AHNAK: variants seen among roughly 807,000 people sequenced by gnomAD.
AHNAK encodes the protein AHNAK nucleoprotein.
In AHNAK, 23 loss-of-function variants were observed where a neutral mutation model predicts 37.8. The ratio of observed to expected loss-of-function variants is 0.61; its 90% CI spans 0.44 to 0.86. The LOEUF is 0.86. Ranked by LOEUF, AHNAK falls within the 40% of genes least tolerant of loss-of-function variation. The pLI is 0.00. For synonymous variants in AHNAK, 2,481 were observed against 2,636.3 expected (o/e 0.94, Z 1.80); for missense variants, 7,411 against 7,319.4 (o/e 1.01, Z -0.46).
chr11:62,472,156 A>T (rs1169875936), intron 5 of AHNAK, among the ~76,000 whole-genome samples: 2 of 151,322 alleles, frequency 1.3e-5, no homozygotes, highest in Non-Finnish European at 3.0e-5. Context: ...CCTTGCCTTC[A>T]CTGACTTCCC....
At chr11:62,544,651 A>G (rs921892688) in intron 1 of AHNAK, among the ~76,000 whole-genome samples, 2 of 151,596 alleles carry the variant, frequency 1.3e-5, no homozygotes, top group African/African-American at 4.8e-5. Context: ...CCCATTCTGC[A>G]CAGGCCACTA....
Position 62,525,716 on chromosome 11 carries a change from T to G in AHNAK, c.8701A>C (p.Lys2901Gln). The G allele has an allele frequency of 6.8e-6, 11 of 1,613,290 alleles. No individual in the cohort carries two copies. Among genetic ancestry groups the G allele is most frequent in the Non-Finnish European group, 9.3e-6 (11 of 1,179,844 alleles). ...HLKMPKMKMP[K>Q]FSMPGFKAEG... is the part of the protein sequence containing the mutation. ...GCTTTGAAGCCAGGCATGCTGAACTTGGGCATTTTCATCTTGGGCATCTTC... is the reference window on the plus strand; with the variant it reads ...GCTTTGAAGCCAGGCATGCTGAACTGGGGCATTTTCATCTTGGGCATCTTC... Residue 2901 changes from lysine (K) to glutamine (Q), a missense_variant, in exon 5 of 5, where the codon AAG becomes CAG. Physicochemically the swap from Lys to Gln is moderately conservative, Grantham distance 53 (BLOSUM62 1). Transcript: ENST00000378024.
rs147762360 is a variant in AHNAK at position 62,522,590 on chromosome 11, G to T, written c.11827C>A (p.Pro3943Thr). 9.9e-6 allele frequency: 16 copies of T among 1,611,746 alleles called. No homozygotes were observed. Among genetic ancestry groups the T allele is most frequent in the South Asian group, 3.3e-5 (3 of 90,948 alleles). The change falls in exon 5 of 5, where the codon CCT (proline) becomes ACT (threonine). Residue 3943 changes from proline (P) to threonine (T), a missense_variant. Pro to Thr is a conservative substitution (Grantham distance 38). Coordinates refer to ENST00000378024, the MANE Select transcript of AHNAK (RefSeq NM_001620.3). Reference protein sequence around the residue: ...PKIKMPKISMPGFKGEGPEVD... With the variant: ...PKIKMPKISMTGFKGEGPEVD... ...TCTGGACCTTCTCCTTTGAAGCCAG[G>T]CATGCTGATCTTGGGCATTTTTATC... is the stretch of plus-strand genomic sequence containing the variant.
In AHNAK at chr11:62,520,106, C is replaced by T. The variant is rs143263481; in HGVS notation, c.14311G>A (p.Val4771Ile). The T allele has an allele frequency of 4.8e-5, 77 of 1,612,094 alleles. No homozygotes were observed. The highest frequency in any genetic ancestry group is 6.0e-5 in the Non-Finnish European group (71 of 1,179,576). Reference protein sequence around the residue: ...KVDINTPDVDVHGPDWHLKMP... With the variant: ...KVDINTPDVDIHGPDWHLKMP... The stretch of plus-strand genomic sequence containing the variant: ...TTCAGGTGCCAGTCTGGGCCATGAA[C>T]ATCCACATCAGGGGTGTTGATGTCC... Residue 4771 changes from valine (V) to isoleucine (I), a missense_variant, in exon 5 of 5, where the codon GTT (valine) becomes ATT (isoleucine). By Grantham distance (29) the Val-to-Ile change is conservative. Transcript: ENST00000378024.
intron 5 of AHNAK, among the ~76,000 whole-genome samples, chr11:62,473,802 C>A (rs1939088749): frequency 6.6e-6 from 1 of 152,038 alleles, no homozygotes; most frequent in Non-Finnish European, 1.5e-5. Flanking sequence ...TCCAGACCAG[C>A]CTGGACAACA....
At chr11:62,481,075 CTT>C (rs1386863086) in intron 5 of AHNAK, among the ~76,000 whole-genome samples, 1 of 141,040 alleles carries the variant, frequency 7.1e-6, no homozygotes, top group Non-Finnish European at 1.5e-5. Flanking sequence ...ATGGGCTTCT[CTT>C]TTCTTTTTTT....
chr11:62,507,367 C>G (rs1939829999), intron 4 of AHNAK, among the ~76,000 whole-genome samples: 1 of 152,106 alleles, frequency 6.6e-6, no homozygotes, highest in African/African-American at 2.4e-5. Context: ...TACACAATGC[C>G]TCACACAAAC....
intron 5 of AHNAK, among the ~76,000 whole-genome samples, chr11:62,452,629 G>C (rs530340632): frequency 6.6e-6 from 1 of 152,158 alleles, no homozygotes; most frequent in Non-Finnish European, 1.5e-5. Flanking sequence ...CTCATGCTTA[G>C]GGATGACCCA....
intron 5 of AHNAK, among the ~76,000 whole-genome samples, chr11:62,451,738 A>G (rs1176278851): frequency 1.0e-5 from 1 of 95,934 alleles, no homozygotes; most frequent in African/African-American, 3.7e-5. Context: ...CTCCGTCTCA[A>G]AAAAAAAAAA....
chr11:62,445,333 T>G (rs1307978665), intron 5 of AHNAK, among the ~76,000 whole-genome samples: 1 of 152,238 alleles, frequency 6.6e-6, no homozygotes, highest in East Asian at 1.9e-4. Flanking sequence ...ATGTTATGTT[T>G]TAAGCCTCCT....
chr11:62,485,744 G>A (rs976354616), intron 5 of AHNAK, among the ~76,000 whole-genome samples: 1 of 149,198 alleles, frequency 6.7e-6, no homozygotes. Context: ...GGCCGGGAGT[G>A]GTGGCTCATG....
chr11:62,512,210 G>A (rs114087858), downstream of AHNAK, among the ~76,000 whole-genome samples: 906 of 152,244 alleles, frequency 6.0e-3, 9 homozygotes, highest in African/African-American at 0.021. The surrounding 1 kb of genome is among the most constrained non-coding windows in gnomAD (Gnocchi z 4.0). Flanking sequence ...TTCTCTGCCC[G>A]ACTCTGTGCC....
intron 5 of AHNAK, among the ~76,000 whole-genome samples, chr11:62,457,358 G>C (rs1410963685): frequency 1.3e-5 from 2 of 151,872 alleles, no homozygotes; most frequent in African/African-American, 4.8e-5. Flanking sequence ...TGAGGCAGGA[G>C]AATCGCTTGA....
intron 4 of AHNAK, among the ~76,000 whole-genome samples, chr11:62,499,397 A>C (rs1285156295): frequency 2.0e-5 from 3 of 152,128 alleles, no homozygotes; most frequent in Non-Finnish European, 2.9e-5. Context: ...AAAAATACAA[A>C]AAAATTAACT....
Position 62,527,576 on chromosome 11 carries a change from C to T in AHNAK, c.6841G>A (p.Val2281Ile). ...TCAAGGCTCACATCTGGGACTTCAA[C>T]ATCCACCTTGGGTCCTGAGACATCA... is the stretch of plus-strand genomic sequence containing the variant. ...DVDVSGPKVD[V>I]EVPDVSLEGP... The change falls in exon 5 of 5, where the codon GTT (valine) becomes ATT (isoleucine). Residue 2281 changes from valine (V) to isoleucine (I), a missense_variant. Transcript: ENST00000378024. 1.2e-6 allele frequency: 2 copies of T among 1,613,268 alleles called. No individual in the cohort carries two copies. The highest frequency in any genetic ancestry group is 1.7e-6 in the Non-Finnish European group (2 of 1,179,808).
At chr11:62,502,694 G>A (rs968384649) in intron 4 of AHNAK, among the ~76,000 whole-genome samples, 4 of 152,224 alleles carry the variant, frequency 2.6e-5, no homozygotes, top group Admixed American at 1.3e-4. Context: ...ACATGAATGC[G>A]TGAGATAGCT....
intron 5 of AHNAK, among the ~76,000 whole-genome samples, chr11:62,440,761 G>GGGGCTTTTGT (rs1938288788): frequency 6.6e-6 from 1 of 152,172 alleles, no homozygotes; most frequent in African/African-American, 2.4e-5. Context: ...CACAAAGGCA[G>GGGGCTTTTGT]ATCCCCAGGA....
chr11:62,493,746 C>T (rs984847105), intron 4 of AHNAK, among the ~76,000 whole-genome samples: 1 of 151,988 alleles, frequency 6.6e-6, no homozygotes, highest in Non-Finnish European at 1.5e-5. Flanking sequence ...GTTAGGATTA[C>T]AGGTGTGACC....
In AHNAK at chr11:62,516,568, A is replaced by G; in HGVS notation, c.*176T>C. The G allele has an allele frequency of 1.4e-6, 2 of 1,455,730 alleles. No individual in the cohort carries two copies. Among genetic ancestry groups the G allele is most frequent in the Non-Finnish European group, 9.0e-7 (1 of 1,114,384 alleles). 90.2% of individuals were successfully genotyped at this position (1,455,730 alleles called of 1,614,324 possible). A position where few individuals can be genotyped will look rare whatever the true frequency, so the allele number is the denominator to read the frequency against. ...CTTGGAACTCTTTACCTATCTGTAT[A>G]GTTCCAGGAGCCTACAGGCGGTCGG... On this transcript the variant is annotated 3_prime_UTR_variant, in exon 5 of 5. Transcript: ENST00000378024.
Sources: gnomAD v4.1 joint callset for allele counts (sites outside exome capture counted in the v4.1 genomes callset) on GRCh38, gnomAD v4.1.1 for gene constraint, Gnocchi (gnomAD v3.1) non-coding constraint, MANE v1.5 for transcripts, NCBI Gene and HGNC (gene_info 2026-07-23, HGNC 2026-07-21) for gene names.